The following FMN2 variants were observed in gnomAD, a reference collection of about 807,000 sequenced individuals.
FMN2 encodes formin 2.
Under a neutral mutation model 142.3 loss-of-function variants are expected in FMN2, and 51 were observed. The observed-to-expected ratio is 0.36, with a 90% confidence interval of 0.29 to 0.45. FMN2 has a LOEUF of 0.45. FMN2 is among the 20% of genes least tolerant of loss of function. The probability of loss-of-function intolerance (pLI) is 1.00; values close to 1 mark genes in which losing one functional copy is unlikely to be tolerated. For synonymous variants in FMN2, 882 were observed against 869.8 expected (o/e 1.01, Z -0.25); for missense variants, 1,936 against 2,122.8 (o/e 0.91, Z 1.73).
chr1:240,366,528 A>G (rs918412920), intron 14 of FMN2, among the ~76,000 whole-genome samples: 2 of 133,266 alleles, frequency 1.5e-5, no homozygotes, highest in African/African-American at 5.8e-5. Flanking sequence ...TGTCTATCCT[A>G]TTCTATCCTT....
intron 4 of FMN2, among the ~76,000 whole-genome samples, chr1:240,200,884 TATC>T (rs1423283401): frequency 1.3e-5 from 2 of 152,202 alleles, no homozygotes; most frequent in African/African-American, 4.8e-5. Flanking sequence ...TGCAGTCTGT[TATC>T]ATCTTTATGA....
chr1:240,292,360 G>A (rs1669824626), intron 7 of FMN2, among the ~76,000 whole-genome samples: 1 of 152,160 alleles, frequency 6.6e-6, no homozygotes, highest in African/African-American at 2.4e-5. Flanking sequence ...GTCATTCTTA[G>A]CATGATCTAG....
intron 13 of FMN2, among the ~76,000 whole-genome samples, chr1:240,355,456 C>T (rs1314657360): frequency 2.0e-5 from 3 of 152,138 alleles, no homozygotes; most frequent in African/African-American, 7.2e-5. Context: ...TCTAACACTT[C>T]ACGTCTCTTC....
intron 13 of FMN2, among the ~76,000 whole-genome samples, chr1:240,340,676 A>G (rs1671715921): frequency 6.6e-6 from 1 of 152,094 alleles, no homozygotes; most frequent in Non-Finnish European, 1.5e-5. Context: ...TTTTGAAGAT[A>G]TTTTTGTTTT....
intron 8 of FMN2, among the ~76,000 whole-genome samples, chr1:240,296,774 C>G (rs1165895873): frequency 6.6e-6 from 1 of 151,766 alleles, no homozygotes; most frequent in Non-Finnish European, 1.5e-5. Context: ...AATCTGTGGG[C>G]CAAGTGTAGA....
At position 240,427,547 on chromosome 1, in the gene FMN2, A is replaced by G. The variant is rs529008951; in HGVS notation, c.4911-10514A>G. On this transcript the variant is annotated intron_variant, in intron 15 of 17. Transcript: ENST00000319653. Reference sequence around the variant, plus strand: ...GGTTACAGTTTGTTTTGAGCAGGATATAGAGAAACGCCAACCATTATAAGT... The same window carrying G: ...GGTTACAGTTTGTTTTGAGCAGGATGTAGAGAAACGCCAACCATTATAAGT... Among the ~76,000 whole-genome samples, 211 of 152,342 alleles carry G rather than the reference A, an allele frequency of 1.4e-3. 1 individual carries two copies. The highest frequency in any genetic ancestry group is 2.1e-3 in the Non-Finnish European group (145 of 68,032).
intron 6 of FMN2, among the ~76,000 whole-genome samples, chr1:240,215,204 G>C (rs1666849522): frequency 6.6e-6 from 1 of 152,220 alleles, no homozygotes; most frequent in Non-Finnish European, 1.5e-5. Context: ...ATTTTGGTAA[G>C]TGCAGTAGTA....
At chr1:240,420,075 G>A (rs775996376) in intron 15 of FMN2, among the ~76,000 whole-genome samples, 2 of 152,040 alleles carry the variant, frequency 1.3e-5, no homozygotes, top group Non-Finnish European at 2.9e-5. Context: ...CTATTATTTA[G>A]GATCCTATCA....
chr1:240,273,199 A>C (rs1310501434), intron 7 of FMN2, among the ~76,000 whole-genome samples: 2 of 152,218 alleles, frequency 1.3e-5, no homozygotes, highest in Non-Finnish European at 2.9e-5. Flanking sequence ...TGTCTGCAAG[A>C]TTCCGATTAA....
At chr1:240,361,285 G>A (rs1264646549) in intron 14 of FMN2, among the ~76,000 whole-genome samples, 1 of 150,728 alleles carries the variant, frequency 6.6e-6, no homozygotes, top group African/African-American at 2.4e-5. Context: ...GAGGCCGAAC[G>A]TGTATTCCTG....
chr1:240,136,344 A>T (rs181572783), intron 2 of FMN2, among the ~76,000 whole-genome samples: 3 of 152,252 alleles, frequency 2.0e-5, no homozygotes, highest in African/African-American at 7.2e-5. Context: ...AGCTCAGAGG[A>T]AGTGCTACCA....
intron 15 of FMN2, among the ~76,000 whole-genome samples, chr1:240,437,632 G>A (rs1279669317): frequency 1.3e-5 from 2 of 152,152 alleles, no homozygotes; most frequent in Non-Finnish European, 2.9e-5. Context: ...TTCTAACAAT[G>A]TAGGAAGGCA....
chr1:240,295,419 A>T (rs182926904), intron 8 of FMN2, among the ~76,000 whole-genome samples: 3 of 152,138 alleles, frequency 2.0e-5, no homozygotes, highest in Non-Finnish European at 4.4e-5. Flanking sequence ...GAAAGTTTGT[A>T]CCTTTTGACC....
intron 2 of FMN2, among the ~76,000 whole-genome samples, chr1:240,146,187 T>C (rs1164019532): frequency 7.2e-6 from 1 of 139,014 alleles, no homozygotes; most frequent in Non-Finnish European, 1.5e-5. Flanking sequence ...ATCGAGACCA[T>C]CCTGGCTAAC....
intron 6 of FMN2, among the ~76,000 whole-genome samples, chr1:240,215,521 A>G (rs1184427459): frequency 2.0e-5 from 3 of 152,230 alleles, no homozygotes; most frequent in African/African-American, 7.2e-5. Flanking sequence ...GGAATATTTT[A>G]TATGAGTGTA....
In FMN2 at chr1:240,473,868, C is replaced by A. The variant is rs1410804219; in HGVS notation, c.5143-260C>A. Among the ~76,000 whole-genome samples the A allele has an allele frequency of 6.6e-6, 1 of 152,148 alleles. No individual in the cohort carries two copies. The highest frequency in any genetic ancestry group is 2.4e-5 in the African/African-American group (1 of 41,446). On this transcript the variant is annotated intron_variant, in intron 17 of 17. Coordinates refer to ENST00000319653, the MANE Select transcript of FMN2 (RefSeq NM_020066.5). The surrounding 1 kb of genome is among the most constrained non-coding windows in gnomAD (Gnocchi z 4.3). Reference sequence around the variant, plus strand: ...TTGAGGATGAGAATGGAGAGTTTGACACCCTCTCATATTGGTTAGAAGTTA... The same window carrying A: ...TTGAGGATGAGAATGGAGAGTTTGAAACCCTCTCATATTGGTTAGAAGTTA...
chr1:240,262,044 C>T (rs1331630805), intron 7 of FMN2, among the ~76,000 whole-genome samples: 1 of 152,068 alleles, frequency 6.6e-6, no homozygotes, highest in East Asian at 1.9e-4. Flanking sequence ...TGTTTGTCCA[C>T]TGAATGGGTT....
intron 6 of FMN2, among the ~76,000 whole-genome samples, chr1:240,213,023 A>C (rs541246429): frequency 6.6e-6 from 1 of 152,264 alleles, no homozygotes; most frequent in Non-Finnish European, 1.5e-5. Flanking sequence ...AGGTTGCCCA[A>C]GACTGTAGGA....
At chr1:240,223,458 G>GTTTTT (rs1197605096) in intron 6 of FMN2, among the ~76,000 whole-genome samples, 7 of 151,976 alleles carry the variant, frequency 4.6e-5, no homozygotes, top group South Asian at 4.1e-4. Context: ...GTTTTGTTTT[G>GTTTTT]TCTCTGCCAG....
Sources: gnomAD v4.1 joint callset for allele counts (sites outside exome capture counted in the v4.1 genomes callset) on GRCh38, gnomAD v4.1.1 for gene constraint, Gnocchi (gnomAD v3.1) non-coding constraint, MANE v1.5 for transcripts, NCBI Gene and HGNC (gene_info 2026-07-23, HGNC 2026-07-21) for gene names.